RUNX1: variants seen among roughly 807,000 people sequenced by gnomAD.
The protein encoded by RUNX1 is RUNX family transcription factor 1.
Under a neutral mutation model 42.8 loss-of-function variants are expected in RUNX1, and 19 were observed. The observed-to-expected ratio is 0.44, with a 90% confidence interval of 0.31 to 0.65. The LOEUF (loss-of-function observed/expected upper bound fraction) is 0.65, where lower values mean the gene tolerates loss of function less well. Ranked by LOEUF, RUNX1 falls within the 30% of genes least tolerant of loss-of-function variation. The probability of loss-of-function intolerance (pLI) is 0.07; values close to 1 mark genes in which losing one functional copy is unlikely to be tolerated. For synonymous variants in RUNX1, 271 were observed against 289.4 expected, an observed-to-expected ratio of 0.94 and a Z score of 0.64; for missense variants, 528 against 672.0, an observed-to-expected ratio of 0.79 and a Z score of 2.37.
chr21:35,048,344 G>A (rs990191665), intron 2 of RUNX1, among the ~76,000 whole-genome samples: 1 of 152,196 alleles, frequency 6.6e-6, no homozygotes, highest in African/African-American at 2.4e-5. Context: ...CTGGTGCAAG[G>A]CTATCTGAGA....
At chr21:34,973,050 C>A (rs1018083646) in intron 2 of RUNX1, among the ~76,000 whole-genome samples, 1 of 152,172 alleles carries the variant, frequency 6.6e-6, no homozygotes, top group African/African-American at 2.4e-5. Context: ...ACCAATATAT[C>A]CCAAACTAAT....
intron 2 of RUNX1, among the ~76,000 whole-genome samples, chr21:34,970,872 AT>A (rs2058758995): frequency 6.6e-6 from 1 of 152,150 alleles, no homozygotes; most frequent in Admixed American, 6.5e-5. Flanking sequence ...GTACGTTCAA[AT>A]TATTTCAAAA....
intron 3 of RUNX1, chr21:34,888,733 G>C (rs990204582): frequency 1.0e-4 from 103 of 1,008,348 alleles, no homozygotes; most frequent in Non-Finnish European, 1.2e-4. Flanking sequence ...CTGTAAGCCC[G>C]GCCGGAGGAA....
intron 2 of RUNX1, among the ~76,000 whole-genome samples, chr21:35,040,521 C>T (rs1273917406): frequency 6.6e-6 from 1 of 152,078 alleles, no homozygotes; most frequent in Non-Finnish European, 1.5e-5. Context: ...TACCTGTAAT[C>T]CCAGCATTTT....
chr21:35,029,982 T>C (rs974187692), intron 2 of RUNX1, among the ~76,000 whole-genome samples: 2 of 152,226 alleles, frequency 1.3e-5, no homozygotes, highest in African/African-American at 4.8e-5. Context: ...TTGTGACAAC[T>C]AGAAATGTCT....
intron 2 of RUNX1, among the ~76,000 whole-genome samples, chr21:35,042,373 A>G (rs766840740): frequency 1.1e-4 from 17 of 152,244 alleles, no homozygotes; most frequent in Non-Finnish European, 2.2e-4. Flanking sequence ...GATACAAGAT[A>G]TGACTGGGAA....
intron 2 of RUNX1, among the ~76,000 whole-genome samples, chr21:34,995,722 T>C (rs1422813602): frequency 6.6e-6 from 1 of 152,224 alleles, no homozygotes; most frequent in Non-Finnish European, 1.5e-5. Flanking sequence ...ATTATAGGCG[T>C]GAACCACCAT....
At chr21:34,929,031 G>A (rs902858262) in intron 2 of RUNX1, among the ~76,000 whole-genome samples, 1 of 151,370 alleles carries the variant, frequency 6.6e-6, no homozygotes, top group Admixed American at 6.6e-5. Context: ...TTAAATTCTC[G>A]AACCTGTAGA....
Position 34,892,895 on chromosome 21 carries a change from T to C in RUNX1, c.97+30A>G, listed in dbSNP as rs186567881. 8.6e-4 allele frequency: 1,160 copies of C among 1,353,062 alleles called. 3 individuals are homozygous for C. The highest frequency in any genetic ancestry group is 1.2e-3 in the Non-Finnish European group (1,089 of 944,800). 83.8% of individuals were successfully genotyped at this position (1,353,062 alleles called of 1,614,324 possible). A position where few individuals can be genotyped will look rare whatever the true frequency, so the allele number is the denominator to read the frequency against. On this transcript the variant is annotated intron_variant, in intron 3 of 8. Coordinates refer to ENST00000675419, the MANE Select transcript of RUNX1 (RefSeq NM_001754.5). ...CACATCTATGAAGGTGTGTACTTTA[T>C]TTAAAAATATAACTTGGAATTTAAC...
intron 2 of RUNX1, among the ~76,000 whole-genome samples, chr21:34,922,274 G>GT (rs1391004577): frequency 6.6e-6 from 1 of 152,174 alleles, no homozygotes; most frequent in Non-Finnish European, 1.5e-5. Context: ...GTCAGGAGGG[G>GT]TTTGGTAGCG....
At chr21:34,871,196 T>C (rs2057732016) in intron 5 of RUNX1, among the ~76,000 whole-genome samples, 1 of 152,200 alleles carries the variant, frequency 6.6e-6, no homozygotes. Flanking sequence ...ACAGCTGTTT[T>C]CAAGCTTTTT....
Position 34,788,619 on chromosome 21 carries a change from A to G in RUNX1, c.*3516T>C, listed in dbSNP as rs2056398293. On this transcript the variant is annotated 3_prime_UTR_variant, in exon 9 of 9. Coordinates refer to ENST00000675419, the MANE Select transcript of RUNX1 (RefSeq NM_001754.5). ...ATAATGAAGCTTAAAATCTATTTAC[A>G]TACATAAATACAATTAACTTTGTTG... The G allele has an allele frequency of 4.3e-6, 1 of 233,256 alleles. No individual in the cohort carries two copies. The highest frequency in any genetic ancestry group is 8.5e-6 in the Non-Finnish European group (1 of 117,876). The allele number at this position is 233,256 out of a possible 1,614,324, so 14.4% of individuals were successfully genotyped here.
intron 7 of RUNX1, among the ~76,000 whole-genome samples, chr21:34,812,462 A>C (rs1477805929): frequency 6.6e-6 from 1 of 152,240 alleles, no homozygotes; most frequent in Non-Finnish European, 1.5e-5. Context: ...CTCTGAACAA[A>C]GGACACAAAC....
At chr21:34,990,107 C>T (rs8129743) in intron 2 of RUNX1, among the ~76,000 whole-genome samples, 37,311 of 151,906 alleles carry the variant, frequency 0.25, 6,690 homozygotes, top group African/African-American at 0.5. Flanking sequence ...CTCTAAGGTT[C>T]TATCTCTGTG....
rs112554844 is a variant in RUNX1, at chr21:34,898,144, T to A, written c.59-5181A>T. Among the ~76,000 whole-genome samples the A allele has an allele frequency of 6.6e-3, 1,000 of 152,284 alleles. 10 individuals carry two copies. The highest frequency in any genetic ancestry group is 0.022 in the African/African-American group (923 of 41,554). On this transcript the variant is annotated intron_variant, in intron 2 of 8. Transcript: ENST00000675419. Reference sequence around the variant, plus strand: ...GCCACTATGCTACAGCCCCATGGAATTGCATTCTGCCAACTACCTGCATGA... The same window carrying A: ...GCCACTATGCTACAGCCCCATGGAAATGCATTCTGCCAACTACCTGCATGA...
At chr21:34,866,731 CTGAAT>C (rs1036511649) in intron 5 of RUNX1, among the ~76,000 whole-genome samples, 4 of 152,164 alleles carry the variant, frequency 2.6e-5, no homozygotes, top group African/African-American at 9.7e-5. Flanking sequence ...ATTCTCCATG[CTGAAT>C]TGAATTAAGA....
intron 2 of RUNX1, chr21:35,038,607 C>CTGTGTGTGTGTGTGTG (rs768066971): frequency 2.9e-5 from 8 of 276,858 alleles, no homozygotes; most frequent in African/African-American, 2.4e-4. Context: ...CTCTCTCTCT[C>CTGTGTGTGTGTGTGTG]TCTCTCTGTG....
Position 34,891,989 on chromosome 21 carries a change from GCT to G in RUNX1, c.97+934_97+935del, listed in dbSNP as rs1407425830. ...AGATAACTAAATCTTTTACCTTTTT[GCT>G]CTTTCAAAAGCCTCCCCAAAATATG... is the stretch of plus-strand genomic sequence containing the variant. On this transcript the variant is annotated intron_variant, in intron 3 of 8. Coordinates refer to ENST00000675419, the MANE Select transcript of RUNX1 (RefSeq NM_001754.5). Among the ~76,000 whole-genome samples the G allele has an allele frequency of 5.3e-5, 8 of 152,188 alleles. No individual in the cohort carries two copies. In the South Asian group the frequency reaches 1.0e-3, roughly 20 times the overall value.
At chr21:34,972,237 T>C (rs1281575617) in intron 2 of RUNX1, among the ~76,000 whole-genome samples, 1 of 152,218 alleles carries the variant, frequency 6.6e-6, no homozygotes. Context: ...GGGCCTTGAA[T>C]TCATACTTTT....
Sources: gnomAD v4.1 joint callset for allele counts (sites outside exome capture counted in the v4.1 genomes callset) on GRCh38, gnomAD v4.1.1 for gene constraint, MANE v1.5 for transcripts, NCBI Gene and HGNC (gene_info 2026-07-23, HGNC 2026-07-21) for gene names.